The following RAP1GAP2 variants were observed in gnomAD, a reference collection of about 807,000 sequenced individuals.
RAP1GAP2 encodes RAP1 GTPase activating protein 2.
Under a neutral mutation model 95.0 loss-of-function variants are expected in RAP1GAP2, and 27 were observed. The ratio of observed to expected loss-of-function variants is 0.28; its 90% CI spans 0.21 to 0.39. The LOEUF is 0.39. Ranked by LOEUF, RAP1GAP2 falls within the 10% of genes least tolerant of loss-of-function variation. RAP1GAP2 has a pLI of 1.00. For missense variants in RAP1GAP2, 771 were observed against 970.0 expected, an observed-to-expected ratio of 0.79 and a Z score of 2.72; for synonymous variants, 373 against 380.9, an observed-to-expected ratio of 0.98 and a Z score of 0.24.
intron 2 of RAP1GAP2, among the ~76,000 whole-genome samples, chr17:2,892,759 C>T (rs575136499): frequency 1.7e-4 from 26 of 152,256 alleles, no homozygotes; most frequent in African/African-American, 2.4e-4. Context: ...GGTAATGTTA[C>T]GTCTGTCTCA....
At chr17:2,821,213 A>G (rs1313121838) in intron 2 of RAP1GAP2, among the ~76,000 whole-genome samples, 1 of 152,006 alleles carries the variant, frequency 6.6e-6, no homozygotes, top group Non-Finnish European at 1.5e-5. Flanking sequence ...ATATATTGCT[A>G]CATTCTTTTT....
intron 2 of RAP1GAP2, among the ~76,000 whole-genome samples, chr17:2,859,561 A>G (rs1192338314): frequency 6.6e-6 from 1 of 151,924 alleles, no homozygotes; most frequent in East Asian, 1.9e-4. Context: ...TCAGCCTCCC[A>G]AGTAGCTGGG....
rs544176380 is a variant in RAP1GAP2, at chr17:2,836,183, T to C, written c.80+35633T>C. On this transcript the variant is annotated intron_variant, in intron 2 of 24. Coordinates refer to ENST00000254695, the MANE Select transcript of RAP1GAP2 (RefSeq NM_015085.5). ...TGCCTGAAGCTGTTATTTTGTTCCC[T>C]CCTGTGTTTCCTTGCCGGTTGGGTA... Among the ~76,000 whole-genome samples, 3 of 152,018 alleles carry C rather than the reference T, an allele frequency of 2.0e-5. No homozygotes were observed. In the East Asian group the frequency reaches 5.8e-4, roughly 29 times the overall value.
At chr17:2,887,377 C>CTT (rs75268492) in intron 2 of RAP1GAP2, among the ~76,000 whole-genome samples, 1 of 142,304 alleles carries the variant, frequency 7.0e-6, no homozygotes, top group African/African-American at 2.6e-5. Context: ...GAATACTTAC[C>CTT]TTTTTTTTTT....
intron 1 of RAP1GAP2, among the ~76,000 whole-genome samples, chr17:2,799,969 C>CCAGGGTCTGCCCCAGGAG (rs1349196491): frequency 6.6e-6 from 1 of 152,176 alleles, no homozygotes; most frequent in African/African-American, 2.4e-5. Flanking sequence ...ATACAACCCA[C>CCAGGGTCTGCCCCAGGAG]CAGGGTCTGC....
intron 2 of RAP1GAP2, among the ~76,000 whole-genome samples, chr17:2,860,532 A>C (rs562724535): frequency 2.0e-5 from 3 of 151,630 alleles, no homozygotes; most frequent in Admixed American, 2.0e-4. Flanking sequence ...AAAACATTCA[A>C]ATAGAACCAG....
Position 2,963,334 on chromosome 17 carries a change from C to A in RAP1GAP2, c.247-96C>A. 1 of 1,399,926 alleles carries A rather than the reference C, an allele frequency of 7.1e-7. No homozygotes were observed. Among genetic ancestry groups the A allele is most frequent in the Non-Finnish European group, 1.0e-6 (1 of 986,144 alleles). The allele number at this position is 1,399,926 out of a possible 1,614,324, so 86.7% of individuals were successfully genotyped here. On this transcript the variant is annotated intron_variant, in intron 5 of 24. Coordinates refer to ENST00000254695, the MANE Select transcript of RAP1GAP2 (RefSeq NM_015085.5). This position sits in a 1 kb window ranked among gnomAD's most constrained non-coding sequence, Gnocchi z 4.8. ...TCGAATGTTCCTCCCTCAAAGCCCC[C>A]CCACAACATATCCCCCTTGCAAGAC...
At chr17:2,769,138 G>T (rs898830150) in intron 1 of RAP1GAP2, among the ~76,000 whole-genome samples, 1 of 149,476 alleles carries the variant, frequency 6.7e-6, no homozygotes, top group Non-Finnish European at 1.5e-5. Context: ...ATACCGAGGC[G>T]AGAGGATTGC....
intron 2 of RAP1GAP2, among the ~76,000 whole-genome samples, chr17:2,810,346 A>T (rs1368402764): frequency 3.3e-5 from 5 of 151,932 alleles, no homozygotes; most frequent in Admixed American, 3.3e-4. Flanking sequence ...GAGATTTAAA[A>T]AGTCAAATTA....
intron 3 of RAP1GAP2, among the ~76,000 whole-genome samples, chr17:2,926,150 C>G (rs575860350): frequency 2.1e-4 from 32 of 150,252 alleles, no homozygotes; most frequent in Non-Finnish European, 3.5e-4. Flanking sequence ...AAAAAGGAAC[C>G]TGGTCAGAGC....
Position 2,889,863 on chromosome 17 carries a change from G to GTATATATA in RAP1GAP2, c.81-15401_81-15394dup, listed in dbSNP as rs748546441. On this transcript the variant is annotated intron_variant, in intron 2 of 24. Coordinates refer to ENST00000254695, the MANE Select transcript of RAP1GAP2 (RefSeq NM_015085.5). ...ACGCCTGGCTAATTTTTATGTGTGT[G>GTATATATA]TATATATATATATATATATATATAT... is the stretch of plus-strand genomic sequence containing the variant. Among the ~76,000 whole-genome samples, 543 of 79,626 alleles carry GTATATATA rather than the reference G, an allele frequency of 6.8e-3. 10 individuals are homozygous for GTATATATA. The highest frequency in any genetic ancestry group is 0.02 in the Middle Eastern group (3 of 148). The allele number at this position is 79,626 out of a possible 152,430, so 52.2% of individuals were successfully genotyped here. A position where few individuals can be genotyped will look rare whatever the true frequency, so the allele number is the denominator to read the frequency against.
In RAP1GAP2 at chr17:2,796,457, G is replaced by A. The variant is rs1438739869; in HGVS notation, c.-71G>A. 5.3e-6 allele frequency: 8 copies of A among 1,518,506 alleles called. No individual in the cohort carries two copies. The highest frequency in any genetic ancestry group is 2.4e-5 in the South Asian group (2 of 83,354). 94.1% of individuals were successfully genotyped at this position (1,518,506 alleles called of 1,614,324 possible). On this transcript the variant is annotated 5_prime_UTR_variant, in exon 1 of 25. Transcript: ENST00000254695. The surrounding 1 kb of genome is among the most constrained non-coding windows in gnomAD (Gnocchi z 4.7). ...ACCGGCACTGACCCCGCTGTACCAC[G>A]GCCCTCTTGCGGACAGCCCCGGGGA...
intron 2 of RAP1GAP2, among the ~76,000 whole-genome samples, chr17:2,770,822 C>G (rs1295939975): frequency 6.6e-6 from 1 of 152,072 alleles, no homozygotes; most frequent in Non-Finnish European, 1.5e-5. Context: ...GGGTGGATCA[C>G]TTGAGGTCAG....
At chr17:2,772,859 T>TTTC (rs1567637196), upstream of RAP1GAP2, among the ~76,000 whole-genome samples, 1,363 of 51,024 alleles carry the variant, frequency 0.027, 13 homozygotes, top group African/African-American at 0.12. Flanking sequence ...TTCTTTCTTT[T>TTTC]TTTTTTTTTT....
chr17:2,970,332 A>G (rs2044813658), intron 8 of RAP1GAP2, among the ~76,000 whole-genome samples: 2 of 151,824 alleles, frequency 1.3e-5, no homozygotes, highest in South Asian at 4.2e-4. Flanking sequence ...GACCATTGCC[A>G]ATATTTTGGT....
chr17:2,981,483 A>G (rs2045354783), intron 10 of RAP1GAP2, among the ~76,000 whole-genome samples: 1 of 152,156 alleles, frequency 6.6e-6, no homozygotes, highest in Non-Finnish European at 1.5e-5. Flanking sequence ...GCTGCTGTGA[A>G]GGTGACAGAG....
chr17:3,028,690 C>A (rs1210377774), intron 22 of RAP1GAP2, among the ~76,000 whole-genome samples: 1 of 152,182 alleles, frequency 6.6e-6, no homozygotes, highest in African/African-American at 2.4e-5. Flanking sequence ...CTCATTCAGC[C>A]CCCTGTGGTT....
In RAP1GAP2 at chr17:2,916,911, G is replaced by A. The variant is rs182802136; in HGVS notation, c.165+11543G>A. On this transcript the variant is annotated intron_variant, in intron 3 of 24. Coordinates refer to ENST00000254695, the MANE Select transcript of RAP1GAP2 (RefSeq NM_015085.5). The stretch of plus-strand genomic sequence containing the variant: ...CCTTCCAAGCTGGAGGCCCCAGAGC[G>A]GAGCCACGCTTCCTCAAGTTTGCTA... Among the ~76,000 whole-genome samples, 197 of 152,296 alleles carry A rather than the reference G, an allele frequency of 1.3e-3. 1 individual carries two copies. Among genetic ancestry groups the A allele is most frequent in the African/African-American group, 4.5e-3 (185 of 41,568 alleles).
intron 3 of RAP1GAP2, among the ~76,000 whole-genome samples, chr17:2,946,169 C>A (rs540728394): frequency 6.6e-6 from 1 of 152,150 alleles, no homozygotes; most frequent in African/African-American, 2.4e-5. Flanking sequence ...TATAACAGTA[C>A]GCTGTTGGAT....
Sources: allele counts gnomAD v4.1 joint callset (sites outside exome capture counted in the v4.1 genomes callset), GRCh38; gene constraint gnomAD v4.1.1; non-coding constraint Gnocchi (gnomAD v3.1); transcripts MANE v1.5; gene names NCBI Gene and HGNC (gene_info 2026-07-23, HGNC 2026-07-21).